The following TPBGL variants were observed in gnomAD, a reference collection of about 807,000 sequenced individuals.
TPBGL encodes the protein trophoblast glycoprotein like.
For missense variants in TPBGL, 685 were observed against 609.4 expected, an observed-to-expected ratio of 1.12 and a Z score of -1.31; for synonymous variants, 380 against 314.8, an observed-to-expected ratio of 1.21 and a Z score of -2.19.
rs1252619039 is a variant in TPBGL, at chr11:75,241,495, TCAACCACGCGCTGGTGCGCGG to T, written c.448_468del (p.Asn150_Gly156del). 29 of 1,236,394 alleles carry T rather than the reference TCAACCACGCGCTGGTGCGCGG, an allele frequency of 2.3e-5. No individual in the cohort carries two copies. The highest frequency in any genetic ancestry group is 2.7e-5 in the Non-Finnish European group (27 of 992,184). 76.6% of individuals were successfully genotyped at this position (1,236,394 alleles called of 1,614,324 possible). ...CTGCCCGCGCTGCGCTCGCTGCAGC[TCAACCACGCGCTGGTGCGCGG>T]CGGCCCCGCGCTGCTGGCCGCGCTG... is the stretch of plus-strand genomic sequence containing the variant. On this transcript the variant is annotated inframe_deletion, in exon 1 of 1. Transcript: ENST00000562197.
chr11:75,240,812 G>C lies in TPBGL; in HGVS notation c.-238G>C, dbSNP rs1236616145. 7.0e-6 allele frequency: 2 copies of C among 284,410 alleles called. No individual in the cohort carries two copies. Among genetic ancestry groups the C allele is most frequent in the Non-Finnish European group, 6.5e-6 (1 of 154,706 alleles). 17.6% of individuals were successfully genotyped at this position (284,410 alleles called of 1,614,324 possible). On this transcript the variant is annotated 5_prime_UTR_variant, in exon 1 of 1. Coordinates refer to ENST00000562197, the MANE Select transcript of TPBGL (RefSeq NM_001195528.2). ...CCCGGAGCGGCCGCGGAAGCCGGAG[G>C]CCGGCGCGCAGGGCGAGGGCACCGG...
In TPBGL at chr11:75,242,737, C is replaced by T. The variant is rs1460922101; in HGVS notation, c.*539C>T. On this transcript the variant is annotated 3_prime_UTR_variant, in exon 1 of 1. Transcript: ENST00000562197. Reference sequence around the variant, plus strand: ...GGCTCTGAGGATTGGGCACCCTCCCCTCATCTAAGAATATATTTCATACCC... The same window carrying T: ...GGCTCTGAGGATTGGGCACCCTCCCTTCATCTAAGAATATATTTCATACCC... 6.6e-6 allele frequency: 1 copy of T among 152,162 alleles called. No individual in the cohort carries two copies. Among genetic ancestry groups the T allele is most frequent in the Admixed American group, 6.5e-5 (1 of 15,280 alleles). The allele number at this position is 152,162 out of a possible 1,614,324, so 9.4% of individuals were successfully genotyped here.
rs1565567214 is a variant in TPBGL, at chr11:75,240,841, CG to C, written c.-203del. 9.6e-6 allele frequency: 3 copies of C among 310,930 alleles called. No individual in the cohort carries two copies. The highest frequency in any genetic ancestry group is 5.6e-5 in the East Asian group (1 of 17,924). 19.3% of individuals were successfully genotyped at this position (310,930 alleles called of 1,614,324 possible). On this transcript the variant is annotated 5_prime_UTR_variant, in exon 1 of 1. Transcript: ENST00000562197. ...GCGCGCAGGGCGAGGGCACCGGGGG[CG>C]GGGGGCTCCGCTCCCCGTCTGACCC...
rs757262276 is a variant in TPBGL, at chr11:75,241,985, G to T, written c.936G>T (p.Gly312=). The part of the protein sequence containing the change: ...PELEASYVFF[G]LVLALIGLIF... ...TGGAAGCCTCCTACGTGTTCTTCGGGCTGGTGCTGGCACTCATCGGCCTCA... is the reference window on the plus strand; with the variant it reads ...TGGAAGCCTCCTACGTGTTCTTCGGTCTGGTGCTGGCACTCATCGGCCTCA... The change falls in exon 1 of 1, where the codon GGG becomes GGT. Residue 312 remains glycine (G), a synonymous_variant. Coordinates refer to ENST00000562197, the MANE Select transcript of TPBGL (RefSeq NM_001195528.2). The T allele has an allele frequency of 6.7e-7, 1 of 1,502,304 alleles. No homozygotes were observed. Among genetic ancestry groups the T allele is most frequent in the South Asian group, 1.2e-5 (1 of 81,654 alleles). 93.1% of individuals were successfully genotyped at this position (1,502,304 alleles called of 1,614,324 possible).
At position 75,241,523 on chromosome 11, in the gene TPBGL, C is replaced by A. The variant is rs1385597053; in HGVS notation, c.474C>A (p.Pro158=). 4 of 1,215,766 alleles carry A rather than the reference C, an allele frequency of 3.3e-6. No homozygotes were observed. The highest frequency in any genetic ancestry group is 4.1e-6 in the Non-Finnish European group (4 of 978,964). 75.3% of individuals were successfully genotyped at this position (1,215,766 alleles called of 1,614,324 possible). A position where few individuals can be genotyped will look rare whatever the true frequency, so the allele number is the denominator to read the frequency against. Reference sequence around the variant, plus strand: ...ACCACGCGCTGGTGCGCGGCGGCCCCGCGCTGCTGGCCGCGCTGGACGCTG... The same window carrying A: ...ACCACGCGCTGGTGCGCGGCGGCCCAGCGCTGCTGGCCGCGCTGGACGCTG... The part of the protein sequence containing the change: ...QLNHALVRGG[P]ALLAALDAAL... Residue 158 remains proline, a synonymous_variant, in exon 1 of 1, where the codon CCC becomes CCA. Coordinates refer to ENST00000562197, the MANE Select transcript of TPBGL (RefSeq NM_001195528.2).
rs1945610652 is a variant in TPBGL at position 75,242,669 on chromosome 11, C to G, written c.*471C>G. Reference sequence around the variant, plus strand: ...GGATTTTGAGCCCTTTGTCCCATCCCAGAGCTCAGAGCCCTCCATCCTGCA... The same window carrying G: ...GGATTTTGAGCCCTTTGTCCCATCCGAGAGCTCAGAGCCCTCCATCCTGCA... On this transcript the variant is annotated 3_prime_UTR_variant, in exon 1 of 1. Transcript: ENST00000562197. 6.6e-6 allele frequency: 1 copy of G among 152,164 alleles called. No individual in the cohort carries two copies. Among genetic ancestry groups the G allele is most frequent in the Admixed American group, 6.5e-5 (1 of 15,284 alleles). The allele number at this position is 152,164 out of a possible 1,614,324, so 9.4% of individuals were successfully genotyped here. A position where few individuals can be genotyped will look rare whatever the true frequency, so the allele number is the denominator to read the frequency against.
rs1945607272 is a variant in TPBGL, at chr11:75,242,200, C to T, written c.*2C>T. 2.7e-6 allele frequency: 3 copies of T among 1,108,626 alleles called. No individual in the cohort carries two copies. The highest frequency in any genetic ancestry group is 1.1e-6 in the Non-Finnish European group (1 of 912,160). The allele number at this position is 1,108,626 out of a possible 1,614,324, so 68.7% of individuals were successfully genotyped here. A position where few individuals can be genotyped will look rare whatever the true frequency, so the allele number is the denominator to read the frequency against. ...ACCTCCCCGGGCTCGGGGCTCTGAG[C>T]GGCGCCCCCGGGCTCGGGGCTTCCC... On this transcript the variant is annotated 3_prime_UTR_variant, in exon 1 of 1. Coordinates refer to ENST00000562197, the MANE Select transcript of TPBGL (RefSeq NM_001195528.2).
Position 75,241,614 on chromosome 11 carries a change from C to A in TPBGL, c.565C>A (p.Pro189Thr). 1.5e-6 allele frequency: 2 copies of A among 1,314,976 alleles called. No individual in the cohort carries two copies. The highest frequency in any genetic ancestry group is 2.0e-6 in the Non-Finnish European group (2 of 1,024,578). 81.5% of individuals were successfully genotyped at this position (1,314,976 alleles called of 1,614,324 possible). A position where few individuals can be genotyped will look rare whatever the true frequency, so the allele number is the denominator to read the frequency against. Residue 189 changes from proline (P) to threonine (T), a missense_variant, in exon 1 of 1, where the codon CCA becomes ACA. Pro to Thr is a conservative substitution (Grantham distance 38, BLOSUM62 -1). Transcript: ENST00000562197. ...GGGCAACGCGCTGAGCCGTCTGCCG[C>A]CAGCCGCCCTGCGCCTGGCGCGCCT... ...LAGNALSRLP[P>T]AALRLARLEQ...
At position 75,240,789 on chromosome 11, in the gene TPBGL, C is replaced by A; in HGVS notation, c.-261C>A. ...AACCCTGCCCACTCGGCTCGGAGCCCGGAGCGGCCGCGGAAGCCGGAGGCC... is the reference window on the plus strand; with the variant it reads ...AACCCTGCCCACTCGGCTCGGAGCCAGGAGCGGCCGCGGAAGCCGGAGGCC... On this transcript the variant is annotated 5_prime_UTR_variant, in exon 1 of 1. Coordinates refer to ENST00000562197, the MANE Select transcript of TPBGL (RefSeq NM_001195528.2). 1 of 263,742 alleles carries A rather than the reference C, an allele frequency of 3.8e-6. No homozygotes were observed. Among genetic ancestry groups the A allele is most frequent in the Non-Finnish European group, 7.1e-6 (1 of 141,180 alleles). The allele number at this position is 263,742 out of a possible 1,614,324, so 16.3% of individuals were successfully genotyped here.
In TPBGL at chr11:75,241,843, C is replaced by G; in HGVS notation, c.794C>G (p.Ala265Gly). The G allele has an allele frequency of 7.7e-7, 1 of 1,293,326 alleles. No individual in the cohort carries two copies. 80.1% of individuals were successfully genotyped at this position (1,293,326 alleles called of 1,614,324 possible). A position where few individuals can be genotyped will look rare whatever the true frequency, so the allele number is the denominator to read the frequency against. Residue 265 changes from alanine to glycine, a missense_variant, in exon 1 of 1, where the codon GCC (alanine) becomes GGC (glycine). Physicochemically the swap from Ala to Gly is moderately conservative, Grantham distance 60. Coordinates refer to ENST00000562197, the MANE Select transcript of TPBGL (RefSeq NM_001195528.2). ...RVPDSRRLRC[A>G]APRALLDRPL... ...CCCGACTCGCGGCGCCTGCGCTGCG[C>G]CGCCCCGCGGGCGCTGCTAGACCGG... is the stretch of plus-strand genomic sequence containing the variant.
Position 75,240,998 on chromosome 11 carries a change from C to A in TPBGL, c.-52C>A. ...ACCCGTGCCCCCCACCAGGCGCTCC[C>A]AACTCACTGGTGAGCGCGGCGGCCC... is the stretch of plus-strand genomic sequence containing the variant. On this transcript the variant is annotated 5_prime_UTR_variant, in exon 1 of 1. Coordinates refer to ENST00000562197, the MANE Select transcript of TPBGL (RefSeq NM_001195528.2). 1 of 1,188,258 alleles carries A rather than the reference C, an allele frequency of 8.4e-7. No individual in the cohort carries two copies. Among genetic ancestry groups the A allele is most frequent in the Non-Finnish European group, 1.0e-6 (1 of 958,198 alleles). The allele number at this position is 1,188,258 out of a possible 1,614,324, so 73.6% of individuals were successfully genotyped here. A position where few individuals can be genotyped will look rare whatever the true frequency, so the allele number is the denominator to read the frequency against.
chr11:75,241,306 AC>A lies in TPBGL; in HGVS notation c.259del (p.Gln87ArgfsTer10). On this transcript the variant is annotated frameshift_variant, in exon 1 of 1. Coordinates refer to ENST00000562197, the MANE Select transcript of TPBGL (RefSeq NM_001195528.2). LOFTEE classifies it low-confidence loss of function (END_TRUNC). ...TTCGCCGGCGGGGACGGGGACGGCG[AC>A]CAGGCGGCGGGCGTGCGCCTGCCGC... ...AAFAGGDGDG[D>X]QAAGVRLPLL... 7.4e-7 allele frequency: 1 copy of A among 1,345,592 alleles called. No individual in the cohort carries two copies. Among genetic ancestry groups the A allele is most frequent in the South Asian group, 1.8e-5 (1 of 55,626 alleles). The allele number at this position is 1,345,592 out of a possible 1,614,324, so 83.4% of individuals were successfully genotyped here. A position where few individuals can be genotyped will look rare whatever the true frequency, so the allele number is the denominator to read the frequency against.
Position 75,241,231 on chromosome 11 carries a change from G to A in TPBGL, c.182G>A (p.Arg61His), listed in dbSNP as rs866434414. Residue 61 changes from arginine (R) to histidine (H), a missense_variant, in exon 1 of 1, where the codon CGC (arginine) becomes CAC (histidine). By Grantham distance (29) the Arg-to-His change is conservative (BLOSUM62 0). Coordinates refer to ENST00000562197, the MANE Select transcript of TPBGL (RefSeq NM_001195528.2). ...CCGCGGGACGTGCCGCCCGACGCGC[G>A]CAACCTCACCATCGTAGGCGCCAAC... is the stretch of plus-strand genomic sequence containing the variant. ...QPPRDVPPDA[R>H]NLTIVGANLT... The A allele has an allele frequency of 3.5e-6, 5 of 1,437,436 alleles. No homozygotes were observed. Among genetic ancestry groups the A allele is most frequent in the South Asian group, 1.3e-5 (1 of 74,494 alleles). The allele number at this position is 1,437,436 out of a possible 1,614,324, so 89.0% of individuals were successfully genotyped here.
rs1252417573 is a variant in TPBGL, at chr11:75,242,469, C to T, written c.*271C>T. 9.7e-6 allele frequency: 2 copies of T among 205,486 alleles called. No individual in the cohort carries two copies. The highest frequency in any genetic ancestry group is 1.7e-4 in the East Asian group (1 of 5,754). The allele number at this position is 205,486 out of a possible 1,614,324, so 12.7% of individuals were successfully genotyped here. A position where few individuals can be genotyped will look rare whatever the true frequency, so the allele number is the denominator to read the frequency against. Reference sequence around the variant, plus strand: ...TCGGAGCTCACACAGAGAATCTGTCCTTCAAGGCCAAAGCTCTGAGACTTG... The same window carrying T: ...TCGGAGCTCACACAGAGAATCTGTCTTTCAAGGCCAAAGCTCTGAGACTTG... On this transcript the variant is annotated 3_prime_UTR_variant, in exon 1 of 1. Transcript: ENST00000562197.
chr11:75,241,296 G>T lies in TPBGL; in HGVS notation c.247G>T (p.Gly83Trp). 2 of 1,346,986 alleles carry T rather than the reference G, an allele frequency of 1.5e-6. No individual in the cohort carries two copies. Among genetic ancestry groups the T allele is most frequent in the South Asian group, 1.8e-5 (1 of 55,842 alleles). 83.4% of individuals were successfully genotyped at this position (1,346,986 alleles called of 1,614,324 possible). A position where few individuals can be genotyped will look rare whatever the true frequency, so the allele number is the denominator to read the frequency against. ...LRAAAFAGGD[G>W]DGDQAAGVRL... Reference sequence around the variant, plus strand: ...CGCGGCCGCCTTCGCCGGCGGGGACGGGGACGGCGACCAGGCGGCGGGCGT... The same window carrying T: ...CGCGGCCGCCTTCGCCGGCGGGGACTGGGACGGCGACCAGGCGGCGGGCGT... The change falls in exon 1 of 1, where the codon GGG becomes TGG. Residue 83 changes from glycine to tryptophan, a missense_variant. Physicochemically the swap from Gly to Trp is radical, Grantham distance 184. Coordinates refer to ENST00000562197, the MANE Select transcript of TPBGL (RefSeq NM_001195528.2).
Position 75,242,396 on chromosome 11 carries a change from T to G in TPBGL, c.*198T>G. On this transcript the variant is annotated 3_prime_UTR_variant, in exon 1 of 1. Transcript: ENST00000562197. ...ATCCAGAAACCCCGCCTGCCCACCC[T>G]AGTTTCCGAAACCTCCCTCCTGAAC... 1.6e-6 allele frequency: 1 copy of G among 611,630 alleles called. No homozygotes were observed. Among genetic ancestry groups the G allele is most frequent in the Non-Finnish European group, 2.1e-6 (1 of 480,650 alleles). 37.9% of individuals were successfully genotyped at this position (611,630 alleles called of 1,614,324 possible).
At position 75,241,843 on chromosome 11, in the gene TPBGL, C is replaced by T; in HGVS notation, c.794C>T (p.Ala265Val). 7.7e-7 allele frequency: 1 copy of T among 1,293,326 alleles called. No homozygotes were observed. The highest frequency in any genetic ancestry group is 9.7e-7 in the Non-Finnish European group (1 of 1,026,840). 80.1% of individuals were successfully genotyped at this position (1,293,326 alleles called of 1,614,324 possible). The change falls in exon 1 of 1, where the codon GCC becomes GTC. Residue 265 changes from alanine (A) to valine (V), a missense_variant. Ala to Val is a moderately conservative substitution (Grantham distance 64). Coordinates refer to ENST00000562197, the MANE Select transcript of TPBGL (RefSeq NM_001195528.2). ...RVPDSRRLRC[A>V]APRALLDRPL... The stretch of plus-strand genomic sequence containing the variant: ...CCCGACTCGCGGCGCCTGCGCTGCG[C>T]CGCCCCGCGGGCGCTGCTAGACCGG...
Position 75,241,562 on chromosome 11 carries a change from G to A in TPBGL, c.513G>A (p.Leu171=). Residue 171 remains leucine (L), a synonymous_variant, in exon 1 of 1, where the codon CTG becomes CTA. Transcript: ENST00000562197. ...CGCTGGACGCTGCGCTGGCACCGCT[G>A]GCCGAGCTTCGCCTGCTGGGCCTAG... is the stretch of plus-strand genomic sequence containing the variant. ...LAALDAALAP[L]AELRLLGLAG... is the part of the protein sequence containing the mutation. The A allele has an allele frequency of 7.7e-7, 1 of 1,296,928 alleles. No homozygotes were observed. The highest frequency in any genetic ancestry group is 9.8e-7 in the Non-Finnish European group (1 of 1,015,572). The allele number at this position is 1,296,928 out of a possible 1,614,324, so 80.3% of individuals were successfully genotyped here.
Position 75,241,681 on chromosome 11 carries a change from AC to A in TPBGL, c.636del (p.Asp213ThrfsTer59), listed in dbSNP as rs1945600202. 7.8e-7 allele frequency: 1 copy of A among 1,285,316 alleles called. No homozygotes were observed. The highest frequency in any genetic ancestry group is 9.9e-7 in the Non-Finnish European group (1 of 1,013,664). The allele number at this position is 1,285,316 out of a possible 1,614,324, so 79.6% of individuals were successfully genotyped here. A position where few individuals can be genotyped will look rare whatever the true frequency, so the allele number is the denominator to read the frequency against. ...DVRLNALAGL[D>X]PDELRALERD... ...CGCCTCAACGCGCTGGCCGGCCTGG[AC>A]CCCGACGAGCTGCGCGCGCTGGAGC... On this transcript the variant is annotated frameshift_variant, in exon 1 of 1. Transcript: ENST00000562197. LOFTEE classifies it low-confidence loss of function (END_TRUNC).
Sources: allele counts gnomAD v4.1 joint callset, GRCh38; gene constraint gnomAD v4.1.1; transcripts MANE v1.5; gene names NCBI Gene and HGNC (gene_info 2026-07-23, HGNC 2026-07-21).